The following ERGIC2 variants were observed in gnomAD, a reference collection of about 807,000 sequenced individuals.
ERGIC2 encodes endoplasmic reticulum-Golgi intermediate compartment protein 2.
In ERGIC2, 31 loss-of-function variants were observed where a neutral mutation model predicts 52.5. That is an observed-to-expected ratio of 0.59 (90% CI 0.44 to 0.80). The LOEUF (loss-of-function observed/expected upper bound fraction) is 0.80. Ranked by LOEUF, ERGIC2 falls within the 30% of genes least tolerant of loss-of-function variation. ERGIC2 has a pLI of 0.00. For missense variants in ERGIC2, 395 were observed against 455.2 expected (o/e 0.87, Z 1.20); for synonymous variants, 129 against 140.6 (o/e 0.92, Z 0.58).
intron 6 of ERGIC2, among the ~76,000 whole-genome samples, chr12:29,360,721 G>C (rs1305819241): frequency 6.7e-6 from 1 of 150,270 alleles, no homozygotes; most frequent in Admixed American, 6.6e-5. Flanking sequence ...CTGTCTAGAA[G>C]GCTACCCAAG....
At chr12:29,376,957 A>T (rs1940523249) in intron 1 of ERGIC2, among the ~76,000 whole-genome samples, 1 of 152,196 alleles carries the variant, frequency 6.6e-6, no homozygotes, top group Non-Finnish European at 1.5e-5. Flanking sequence ...TTATGAAATG[A>T]TAAAAACAGA....
At chr12:29,370,477 T>TC (rs1374353189) in intron 2 of ERGIC2, among the ~76,000 whole-genome samples, 1 of 151,946 alleles carries the variant, frequency 6.6e-6, no homozygotes, top group African/African-American at 2.4e-5. Flanking sequence ...ATTTTATTTC[T>TC]CCAATTTTAA....
At chr12:29,355,388 AT>A (rs1263960713) in intron 8 of ERGIC2, among the ~76,000 whole-genome samples, 1 of 152,086 alleles carries the variant, frequency 6.6e-6, no homozygotes, top group African/African-American at 2.4e-5. Context: ...AAAACCCTTT[AT>A]TTTTTTCTTC....
intron 1 of ERGIC2, 116 bp downstream of exon 1, chr12:29,380,999 A>G (rs550970622): frequency 6.6e-6 from 1 of 152,406 alleles, no homozygotes; most frequent in South Asian, 2.1e-4. Flanking sequence ...CTAGAGATCA[A>G]TGAAGACAGG....
At position 29,350,146 on chromosome 12, in the gene ERGIC2, C is replaced by A. The variant is rs1040135623; in HGVS notation, c.573-78G>T. On this transcript the variant is annotated intron_variant, in intron 8 of 13. Transcript: ENST00000360150. ...ATTAAAATCAGAAACTGGATCTTCC[C>A]TAAGTTATATAATTTTTCTTAGTAC... is the stretch of plus-strand genomic sequence containing the variant. The A allele has an allele frequency of 2.3e-5, 19 of 835,854 alleles. No homozygotes were observed. In the African/African-American group the frequency reaches 3.3e-4, roughly 14 times the overall value. The allele number at this position is 835,854 out of a possible 1,614,324, so 51.8% of individuals were successfully genotyped here.
chr12:29,368,028 A>G (rs1940389037), intron 4 of ERGIC2, among the ~76,000 whole-genome samples: 1 of 151,852 alleles, frequency 6.6e-6, no homozygotes, highest in African/African-American at 2.4e-5. Context: ...TAATTATACT[A>G]ATGTGAAAGT....
chr12:29,357,750 C>A, intron 6 of ERGIC2, 26 bp from the exon 7 acceptor site: 8 of 1,319,148 alleles, frequency 6.1e-6, no homozygotes, highest in Non-Finnish European at 8.8e-6. Context: ...TAATTTAGAA[C>A]TACAGAAAGG....
chr12:29,349,294 G>T, intron 9 of ERGIC2, 117 bp from the exon 10 acceptor site: 1 of 467,290 alleles, frequency 2.1e-6, no homozygotes, highest in Non-Finnish European at 3.8e-6. Flanking sequence ...AAATCTTCAA[G>T]GATAATAATA....
intron 8 of ERGIC2, 104 bp downstream of exon 8, chr12:29,356,278 C>T (rs1024926900): frequency 1.0e-5 from 7 of 668,468 alleles, no homozygotes; most frequent in African/African-American, 7.4e-5. Flanking sequence ...CCGCCTCAGC[C>T]TCCCAAAGTG....
chr12:29,358,130 A>G (rs906871149), intron 6 of ERGIC2, among the ~76,000 whole-genome samples: 20 of 152,320 alleles, frequency 1.3e-4, no homozygotes, highest in African/African-American at 4.8e-4. Flanking sequence ...AATGGACTTG[A>G]TGGACTTGAA....
At chr12:29,350,244 T>A (rs1280466452) in intron 8 of ERGIC2, among the ~76,000 whole-genome samples, 176 bp from the exon 9 acceptor site, 2 of 152,122 alleles carry the variant, frequency 1.3e-5, no homozygotes, top group Admixed American at 6.5e-5. Context: ...TGCAATAAAC[T>A]GCTGGAGGTT....
chr12:29,343,281 T>C lies in ERGIC2; in HGVS notation c.827A>G (p.Glu276Gly). 1 of 1,575,144 alleles carries C rather than the reference T, an allele frequency of 6.3e-7. No individual in the cohort carries two copies. Among genetic ancestry groups the C allele is most frequent in the Non-Finnish European group, 8.6e-7 (1 of 1,159,210 alleles). ...GCCTGCAGCATGGTTAATGATACGTTCCTAAAAGGGAGGCAAAAGGAAGGG... is the reference window on the plus strand; with the variant it reads ...GCCTGCAGCATGGTTAATGATACGTCCCTAAAAGGGAGGCAAAAGGAAGGG... ...DTHQFSVTER[E>G]RIINHAAGSH... The change falls in exon 12 of 14, where the codon GAA becomes GGA. Residue 276 changes from glutamate to glycine, a missense_variant and splice_region_variant. Glu to Gly is a moderately conservative substitution (Grantham distance 98). Transcript: ENST00000360150.
chr12:29,345,640 G>A, intron 10 of ERGIC2, 100 bp from the exon 11 acceptor site: 3 of 725,076 alleles, frequency 4.1e-6, no homozygotes, highest in South Asian at 1.5e-5. Flanking sequence ...TTAGCTGGAT[G>A]TGGTGGCTCA....
rs1275500550 is a variant in ERGIC2 at position 29,339,622 on chromosome 12, AATGAT to A, written c.*1529_*1533del. On this transcript the variant is annotated 3_prime_UTR_variant, in exon 14 of 14. Transcript: ENST00000360150. Reference sequence around the variant, plus strand: ...TTCATCAGTTAACGTCATGGCTCTTAATGATATATTTTTTAAAGTGATGCTTCTGT... The same window carrying A: ...TTCATCAGTTAACGTCATGGCTCTTAATATTTTTTAAAGTGATGCTTCTGT... 55 of 152,284 alleles carry A rather than the reference AATGAT, an allele frequency of 3.6e-4. 1 individual carries two copies. Among genetic ancestry groups the A allele is most frequent in the African/African-American group, 1.2e-3 (49 of 41,578 alleles). The allele number at this position is 152,284 out of a possible 1,614,324, so 9.4% of individuals were successfully genotyped here.
At position 29,362,642 on chromosome 12, in the gene ERGIC2, T is replaced by G. The variant is rs184080781; in HGVS notation, c.334-957A>C. 1.8e-3 allele frequency among the ~76,000 whole-genome samples: 269 copies of G among 152,272 alleles called. 1 individual carries two copies. The highest frequency in any genetic ancestry group is 5.9e-3 in the African/African-American group (247 of 41,556). The stretch of plus-strand genomic sequence containing the variant: ...TACTAGTCCTAGTTCACAGCTCTAC[T>G]TCTGTGATTTGATTTTTTAATTTAA... On this transcript the variant is annotated intron_variant, in intron 5 of 13. Coordinates refer to ENST00000360150, the MANE Select transcript of ERGIC2 (RefSeq NM_016570.3).
intron 4 of ERGIC2, 138 bp downstream of exon 4, chr12:29,368,103 A>T (rs891998881): frequency 2.2e-5 from 14 of 636,124 alleles, no homozygotes; most frequent in Non-Finnish European, 3.9e-5. Context: ...AACAATTTGT[A>T]TTATTAAATA....
chr12:29,358,440 T>C (rs966153846), intron 6 of ERGIC2, among the ~76,000 whole-genome samples: 1 of 152,170 alleles, frequency 6.6e-6, no homozygotes, highest in Non-Finnish European at 1.5e-5. Flanking sequence ...AATCATTCTG[T>C]ATGGCAGTAT....
intron 10 of ERGIC2, among the ~76,000 whole-genome samples, chr12:29,348,673 T>C (rs1940090637): frequency 6.6e-6 from 1 of 151,966 alleles, no homozygotes; most frequent in African/African-American, 2.4e-5. Context: ...AAATGATATA[T>C]ATGCATTTTA....
rs558434626 is a variant in ERGIC2, at chr12:29,338,131, A to AC, written c.*3024dup. ...GGAGGTTGCAGTGAGCTGAGATTGCACCACTGCACTCCAGCCTAGGCGACA... is the reference window on the plus strand; with the variant it reads ...GGAGGTTGCAGTGAGCTGAGATTGCACCCACTGCACTCCAGCCTAGGCGACA... On this transcript the variant is annotated 3_prime_UTR_variant, in exon 14 of 14. Transcript: ENST00000360150. The AC allele has an allele frequency of 2.7e-5, 4 of 150,340 alleles. No individual in the cohort carries two copies. Among genetic ancestry groups the AC allele is most frequent in the Non-Finnish European group, 5.9e-5 (4 of 67,754 alleles). 9.3% of individuals were successfully genotyped at this position (150,340 alleles called of 1,614,324 possible). A position where few individuals can be genotyped will look rare whatever the true frequency, so the allele number is the denominator to read the frequency against.
Sources: gnomAD v4.1 joint callset for allele counts (sites outside exome capture counted in the v4.1 genomes callset) on GRCh38, gnomAD v4.1.1 for gene constraint, MANE v1.5 for transcripts, NCBI Gene and HGNC (gene_info 2026-07-23, HGNC 2026-07-21) for gene names.